Variants in MASP1 observed in about 807,000 individuals in gnomAD.
The protein encoded by MASP1 is mannan-binding lectin serine protease 1.
MASP1 carries 59 observed loss-of-function variants against 77.1 expected under a neutral mutation model. The ratio of observed to expected loss-of-function variants is 0.77; its 90% CI spans 0.62 to 0.95. The LOEUF is 0.95. Ranked by LOEUF, MASP1 falls within the 40% of genes least tolerant of loss-of-function variation. The pLI is 0.00. For missense variants in MASP1, 885 were observed against 912.9 expected (o/e 0.97, Z 0.39); for synonymous variants, 362 against 354.5 (o/e 1.02, Z -0.24).
chr3:187,256,536 C>G lies in MASP1; in HGVS notation c.744+128G>C. Reference sequence around the variant, plus strand: ...TGGTAGATATTATTTTAAATAATGCCTTTTTGAGGAACTAGCTGCTAGGCT... The same window carrying G: ...TGGTAGATATTATTTTAAATAATGCGTTTTTGAGGAACTAGCTGCTAGGCT... On this transcript the variant is annotated intron_variant, in intron 5 of 10. Transcript: ENST00000296280. 3.5e-6 allele frequency: 3 copies of G among 857,620 alleles called. No individual in the cohort carries two copies. The South Asian group carries it at 4.3e-5, about 12-fold the overall frequency. 53.1% of individuals were successfully genotyped at this position (857,620 alleles called of 1,614,324 possible). A position where few individuals can be genotyped will look rare whatever the true frequency, so the allele number is the denominator to read the frequency against.
rs149781821 is a variant in MASP1 at position 187,223,442 on chromosome 3, C to T, written c.1742-248G>A. Among the ~76,000 whole-genome samples the T allele has an allele frequency of 4.5e-3, 679 of 152,278 alleles. 2 individuals are homozygous for T. The highest frequency in any genetic ancestry group is 0.015 in the African/African-American group (622 of 41,540). ...TGTTTAGTTTTCTATTCTGTCCCAC[C>T]CTCAACTAGTCTGAAACCTAGGGTC... On this transcript the variant is annotated intron_variant, in intron 13 of 15. Coordinates refer to the MASP1 transcript ENST00000337774.
In MASP1 at chr3:187,291,492, A is replaced by G. The variant is rs1718328760; in HGVS notation, c.5+136T>C. 3.3e-6 allele frequency: 4 copies of G among 1,204,536 alleles called. No homozygotes were observed. In the African/African-American group the frequency reaches 4.5e-5, roughly 14 times the overall value. 74.6% of individuals were successfully genotyped at this position (1,204,536 alleles called of 1,614,324 possible). On this transcript the variant is annotated intron_variant, in intron 1 of 10. Coordinates refer to ENST00000296280, the MANE Select transcript of MASP1 (RefSeq NM_139125.4). ...CCACAGCTCCCTTCTCAGAGCCCTAAGAATTGATGAGAAAGCCCCTCACTA... is the reference window on the plus strand; with the variant it reads ...CCACAGCTCCCTTCTCAGAGCCCTAGGAATTGATGAGAAAGCCCCTCACTA...
chr3:187,256,168 C>T (rs546177787), intron 5 of MASP1, among the ~76,000 whole-genome samples: 2 of 152,216 alleles, frequency 1.3e-5, no homozygotes, highest in South Asian at 4.1e-4. Context: ...AGCCTCTTCC[C>T]GCAAGTGGGC....
chr3:187,219,853 T>TA, exon 16 of MASP1: 1 of 590,834 alleles, frequency 1.7e-6, no homozygotes. Flanking sequence ...TAGTAAGTGA[T>TA]AGAGCCTGGA....
downstream of MASP1, chr3:187,229,913 G>A: frequency 6.2e-7 from 1 of 1,614,082 alleles, no homozygotes; most frequent in South Asian, 1.1e-5. Context: ...TCCAAGGGAG[G>A]GAGGGAGAGA....
At chr3:187,274,911 A>T (rs375149647) in intron 2 of MASP1, among the ~76,000 whole-genome samples, 38 of 140,600 alleles carry the variant, frequency 2.7e-4, no homozygotes, top group African/African-American at 1.0e-3. Context: ...GGAAGCGGGC[A>T]TCCCGCAGGT....
chr3:187,279,975 T>A (rs182552085), intron 2 of MASP1, among the ~76,000 whole-genome samples: 75 of 152,352 alleles, frequency 4.9e-4, no homozygotes, highest in African/African-American at 1.8e-3. Context: ...TTTTTACTGA[T>A]CTTTGCAGAC....
intron 5 of MASP1, among the ~76,000 whole-genome samples, chr3:187,256,366 C>T (rs543613970): frequency 2.0e-5 from 3 of 152,294 alleles, no homozygotes; most frequent in African/African-American, 4.8e-5. Context: ...CCCTGTGTGA[C>T]GGCATGGGAG....
rs575428923 is a variant in MASP1 at position 187,235,028 on chromosome 3, T to A, written c.*656A>T. The A allele has an allele frequency of 2.0e-5, 26 of 1,287,232 alleles. No homozygotes were observed. Among genetic ancestry groups the A allele is most frequent in the Non-Finnish European group, 2.6e-5 (26 of 988,692 alleles). 79.7% of individuals were successfully genotyped at this position (1,287,232 alleles called of 1,614,324 possible). On this transcript the variant is annotated 3_prime_UTR_variant, in exon 11 of 11. Transcript: ENST00000296280. ...GCACAAACCTTCCCAACTTTCTCCA[T>A]GTCTTTTGAAATTCCTTTAATGGGG...
At position 187,224,605 on chromosome 3, in the gene MASP1, C is replaced by T. The variant is rs553307229; in HGVS notation, c.1741+719G>A. On this transcript the variant is annotated intron_variant, in intron 13 of 15. Coordinates refer to the MASP1 transcript ENST00000337774. The stretch of plus-strand genomic sequence containing the variant: ...TCGTGATCCGCCCGCCTCGGCCTCC[C>T]AAAGTGCTGGGATTACAGGCGTGAG... Among the ~76,000 whole-genome samples, 17 of 152,136 alleles carry T rather than the reference C, an allele frequency of 1.1e-4. No individual in the cohort carries two copies. The East Asian group carries it at 2.7e-3, about 24-fold the overall frequency.
At chr3:187,255,805 G>T (rs1457164461) in intron 5 of MASP1, among the ~76,000 whole-genome samples, 1 of 151,544 alleles carries the variant, frequency 6.6e-6, no homozygotes, top group Non-Finnish European at 1.5e-5. Context: ...CTCCATCTAG[G>T]TCTCATAATC....
At position 187,236,187 on chromosome 3, in the gene MASP1, G is replaced by A; in HGVS notation, c.1684C>T (p.Pro562Ser). 1 of 1,614,124 alleles carries A rather than the reference G, an allele frequency of 6.2e-7. No individual in the cohort carries two copies. Among genetic ancestry groups the A allele is most frequent in the Non-Finnish European group, 8.5e-7 (1 of 1,180,042 alleles). The part of the protein sequence containing the change: ...HDIALVQLQE[P>S]VPLGPHVMPV... ...ATAACGTGGGGTCCCAGGGGCACAG[G>A]CTCCTGCAGCTGCACCAGAGCTATA... The change falls in exon 11 of 11, where the codon CCT becomes TCT. Residue 562 changes from proline to serine, a missense_variant. Physicochemically the swap from Pro to Ser is moderately conservative, Grantham distance 74. Coordinates refer to ENST00000296280, the MANE Select transcript of MASP1 (RefSeq NM_139125.4).
At chr3:187,284,570 C>A (rs1216921565) in intron 2 of MASP1, among the ~76,000 whole-genome samples, 12 of 152,172 alleles carry the variant, frequency 7.9e-5, no homozygotes, top group Non-Finnish European at 1.5e-4. Flanking sequence ...CCAACATATA[C>A]AATGACAATA....
intron 2 of MASP1, among the ~76,000 whole-genome samples, chr3:187,265,834 AG>A (rs1715973025): frequency 6.6e-6 from 1 of 152,218 alleles, no homozygotes. Flanking sequence ...CCTGGCTCAA[AG>A]GCCTCTTGAA....
In MASP1 at chr3:187,220,097, G is replaced by A. The variant is rs748494624; in HGVS notation, c.2074C>T (p.Gln692Ter). 55 of 1,613,958 alleles carry A rather than the reference G, an allele frequency of 3.4e-5. No individual in the cohort carries two copies. Among genetic ancestry groups the A allele is most frequent in the Admixed American group, 1.3e-4 (8 of 60,022 alleles). ...CAGTTCCTCACTCCGGTGACCCTCT[G>A]GATCCAGTCCTTGTTGTGGTGGATG... Residue 692 changes from glutamine to a stop codon, truncating the protein, a stop_gained, in exon 16 of 16, where the codon CAG (glutamine) becomes TAG (stop). Transcript: ENST00000337774. LOFTEE classifies it high-confidence loss of function.
chr3:187,238,387 C>T (rs1713347002), intron 10 of MASP1, among the ~76,000 whole-genome samples: 1 of 152,218 alleles, frequency 6.6e-6, no homozygotes, highest in African/African-American at 2.4e-5. Context: ...CCACTGAAAT[C>T]TGTTTTTCTC....
chr3:187,239,473 T>A (rs1396531576), intron 10 of MASP1, among the ~76,000 whole-genome samples: 2 of 152,208 alleles, frequency 1.3e-5, no homozygotes, highest in East Asian at 3.8e-4. Flanking sequence ...AATGGCAGCA[T>A]CAGTATTAGT....
chr3:187,285,343 A>T (rs560629220), intron 2 of MASP1, among the ~76,000 whole-genome samples: 1 of 152,064 alleles, frequency 6.6e-6, no homozygotes, highest in Non-Finnish European at 1.5e-5. Flanking sequence ...TCTCGCCTCC[A>T]CTCACCTTCC....
rs1028428237 is a variant in MASP1, at chr3:187,234,502, C to A, written c.*1182G>T. The A allele has an allele frequency of 1.6e-6, 2 of 1,285,994 alleles. No homozygotes were observed. Among genetic ancestry groups the A allele is most frequent in the Admixed American group, 2.3e-5 (1 of 43,542 alleles). The allele number at this position is 1,285,994 out of a possible 1,614,324, so 79.7% of individuals were successfully genotyped here. ...AAATGATTTTTCAAAGGTTATACAG[C>A]CAGTTGGGGGCAGAGCAGGGACTAG... On this transcript the variant is annotated 3_prime_UTR_variant, in exon 11 of 11. Coordinates refer to ENST00000296280, the MANE Select transcript of MASP1 (RefSeq NM_139125.4).
Sources: allele counts gnomAD v4.1 joint callset (sites outside exome capture counted in the v4.1 genomes callset), GRCh38; gene constraint gnomAD v4.1.1; transcripts MANE v1.5; gene names NCBI Gene and HGNC (gene_info 2026-07-23, HGNC 2026-07-21).